RTTN: variants seen among roughly 807,000 people sequenced by gnomAD.
RTTN encodes the protein rotatin.
Under a neutral mutation model 269.2 loss-of-function variants are expected in RTTN, and 182 were observed. That is an observed-to-expected ratio of 0.68 (90% CI 0.60 to 0.76). RTTN has a LOEUF of 0.76. Among genes scored for constraint, RTTN ranks in the 30% least tolerant of loss-of-function variants. The pLI, the probability that RTTN is intolerant of heterozygous loss-of-function variation, is 0.00. For missense variants in RTTN, 2,545 were observed against 2,608.6 expected (o/e 0.98, Z 0.53); for synonymous variants, 1,006 against 963.5 (o/e 1.04, Z -0.82).
Position 70,040,327 on chromosome 18 carries a change from A to G in RTTN, c.5541+7644T>C, listed in dbSNP as rs901731215. ...AACAAAAAAAAAATTGGGAGTAGCTATACTTAGACAAAATAGATGTCAAAA... is the reference window on the plus strand; with the variant it reads ...AACAAAAAAAAAATTGGGAGTAGCTGTACTTAGACAAAATAGATGTCAAAA... On this transcript the variant is annotated intron_variant, in intron 40 of 48. Transcript: ENST00000640769. 2.0e-5 allele frequency among the ~76,000 whole-genome samples: 3 copies of G among 152,156 alleles called. No homozygotes were observed. The South Asian group carries it at 6.2e-4, about 32-fold the overall frequency.
At chr18:70,085,832 G>T (rs566725340) in intron 32 of RTTN, among the ~76,000 whole-genome samples, 1 of 152,134 alleles carries the variant, frequency 6.6e-6, no homozygotes, top group Non-Finnish European at 1.5e-5. Flanking sequence ...AGGAGGGAGT[G>T]GGGGAGGCGG....
intron 34 of RTTN, among the ~76,000 whole-genome samples, chr18:70,068,407 G>A (rs1351802238): frequency 2.6e-5 from 4 of 152,204 alleles, no homozygotes; most frequent in Non-Finnish European, 5.9e-5. Flanking sequence ...AGGATTCTCA[G>A]TCCAGAACTG....
chr18:70,059,916 A>G lies in RTTN; in HGVS notation c.4874T>C (p.Leu1625Ser). The part of the protein sequence containing the change: ...SAMCSLLDNL[L>S]TIAPRDTAKA... ...TGCAGTGTCTCTGGGAGCAATCGTC[A>G]AGAGGTTGTCCAAGAGGCTGCACAT... Residue 1625 changes from leucine to serine, a missense_variant, in exon 36 of 49, where the codon TTG becomes TCG. Leu to Ser is a moderately radical substitution (Grantham distance 145). Coordinates refer to ENST00000640769, the MANE Select transcript of RTTN (RefSeq NM_173630.4). The G allele has an allele frequency of 6.2e-7, 1 of 1,613,878 alleles. No individual in the cohort carries two copies. Among genetic ancestry groups the G allele is most frequent in the East Asian group, 2.2e-5 (1 of 44,882 alleles).
intron 2 of RTTN, among the ~76,000 whole-genome samples, 190 bp downstream of exon 2, chr18:70,204,938 G>A (rs1014602103): frequency 2.6e-5 from 4 of 152,182 alleles, no homozygotes; most frequent in African/African-American, 9.7e-5. Context: ...GAGCACAGCA[G>A]AGACCATGTG....
intron 26 of RTTN, among the ~76,000 whole-genome samples, chr18:70,117,690 T>C (rs2059635536): frequency 6.6e-6 from 1 of 151,998 alleles, no homozygotes; most frequent in Admixed American, 6.5e-5. Flanking sequence ...TTATAAAATA[T>C]ACATAAACCT....
At chr18:70,124,013 A>G (rs1291008711) in intron 25 of RTTN, among the ~76,000 whole-genome samples, 1 of 151,710 alleles carries the variant, frequency 6.6e-6, no homozygotes, top group Non-Finnish European at 1.5e-5. Context: ...GAAACACAAT[A>G]CCCTTGTAAA....
chr18:70,085,407 C>T (rs989455252), intron 32 of RTTN, among the ~76,000 whole-genome samples: 1 of 152,112 alleles, frequency 6.6e-6, no homozygotes, highest in Non-Finnish European at 1.5e-5. Context: ...GCCTTGACAA[C>T]CACCTGGATT....
intron 35 of RTTN, among the ~76,000 whole-genome samples, chr18:70,065,270 T>TTA (rs74177203): frequency 2.2e-4 from 29 of 132,940 alleles, no homozygotes; most frequent in Admixed American, 6.1e-4. Flanking sequence ...CTCTAGAATT[T>TTA]AAAAAAAAAA....
intron 11 of RTTN, among the ~76,000 whole-genome samples, chr18:70,176,256 TGTATAG>T (rs1459669695): frequency 8.1e-6 from 1 of 122,904 alleles, no homozygotes; most frequent in East Asian, 2.5e-4. Flanking sequence ...TATATGTATA[TGTATAG>T]ATAACAGCCA....
chr18:70,085,845 G>A (rs1439926410), intron 32 of RTTN, among the ~76,000 whole-genome samples: 1 of 152,132 alleles, frequency 6.6e-6, no homozygotes, highest in Non-Finnish European at 1.5e-5. Flanking sequence ...GGAGGCGGCT[G>A]AGGTTATAAA....
At chr18:70,091,411 C>T (rs972110977) in intron 30 of RTTN, 1 of 151,492 alleles carries the variant, frequency 6.6e-6, no homozygotes, top group African/African-American at 2.4e-5. Flanking sequence ...AGACTGGTAA[C>T]ATTATAATAA....
intron 35 of RTTN, among the ~76,000 whole-genome samples, chr18:70,064,284 G>A (rs1212281478): frequency 1.6e-5 from 2 of 127,942 alleles, no homozygotes; most frequent in Non-Finnish European, 3.1e-5. Context: ...GCTGCACTGA[G>A]CCAAGATTGC....
chr18:70,039,043 T>C (rs1020089173), intron 40 of RTTN, among the ~76,000 whole-genome samples: 2 of 151,422 alleles, frequency 1.3e-5, no homozygotes, highest in Non-Finnish European at 2.9e-5. Flanking sequence ...GGGAAGGAGA[T>C]AAAAGAAAAA....
intron 35 of RTTN, among the ~76,000 whole-genome samples, chr18:70,060,969 T>C (rs59382250): frequency 1.3e-5 from 2 of 151,922 alleles, no homozygotes; most frequent in East Asian, 3.8e-4. Context: ...TGTGTACATA[T>C]ATGGTTCATT....
At chr18:70,028,663 A>G in intron 43 of RTTN, 61 bp downstream of exon 43, 2 of 985,406 alleles carry the variant, frequency 2.0e-6, no homozygotes, top group South Asian at 1.6e-5. Flanking sequence ...TATCTCACAT[A>G]AAAATTAAAC....
chr18:70,071,730 C>T (rs2058301314), intron 34 of RTTN, among the ~76,000 whole-genome samples: 2 of 152,130 alleles, frequency 1.3e-5, no homozygotes, highest in Non-Finnish European at 2.9e-5. Context: ...GGAACTAATA[C>T]ACATTAGGTA....
In RTTN at chr18:70,075,455, A is replaced by T; in HGVS notation, c.4461T>A (p.Tyr1487Ter). The part of the protein sequence containing the change: ...LQALLYHCHF[Y>*]EHLNQMVKHC... ...GCTTTACCATCTGATTCAAATGTTC[A>T]TAAAAATGGCAGTGATATAAAAGAG... The change falls in exon 33 of 49, where the codon TAT (tyrosine) becomes TAA (stop). Residue 1487 changes from tyrosine (Y) to a stop codon, truncating the protein, a stop_gained. Transcript: ENST00000640769. LOFTEE classifies it high-confidence loss of function. 6.2e-7 allele frequency: 1 copy of T among 1,609,488 alleles called. No homozygotes were observed. The highest frequency in any genetic ancestry group is 8.5e-7 in the Non-Finnish European group (1 of 1,177,948).
At chr18:70,060,508 G>A (rs2057951698) in intron 35 of RTTN, among the ~76,000 whole-genome samples, 1 of 151,446 alleles carries the variant, frequency 6.6e-6, no homozygotes. Flanking sequence ...ATATTTATGG[G>A]GTACACATGA....
At chr18:70,170,900 GA>G (rs1394371232) in intron 11 of RTTN, among the ~76,000 whole-genome samples, 3 of 152,276 alleles carry the variant, frequency 2.0e-5, no homozygotes, top group East Asian at 3.9e-4. Context: ...ATGAGCAAAA[GA>G]AAGGAATCAA....
Sources: allele counts gnomAD v4.1 joint callset (sites outside exome capture counted in the v4.1 genomes callset), GRCh38; gene constraint gnomAD v4.1.1; transcripts MANE v1.5; gene names NCBI Gene and HGNC (gene_info 2026-07-23, HGNC 2026-07-21).